ZC3H6: variants seen among roughly 807,000 people sequenced by gnomAD.
ZC3H6 encodes zinc finger CCCH domain-containing protein 6.
A neutral mutation model predicts 107.7 loss-of-function variants in ZC3H6; 40 were observed. That is an observed-to-expected ratio of 0.37 (90% CI 0.29 to 0.48). The LOEUF is 0.48. Ranked by LOEUF, ZC3H6 falls within the 20% of genes least tolerant of loss-of-function variation. The pLI is 0.98. For synonymous variants in ZC3H6, 493 were observed against 487.9 expected (o/e 1.01, Z -0.14); for missense variants, 1,267 against 1,410.4 (o/e 0.90, Z 1.63).
At chr2:112,278,826 G>C (rs1211221413) in intron 1 of ZC3H6, among the ~76,000 whole-genome samples, 1 of 152,112 alleles carries the variant, frequency 6.6e-6, no homozygotes, top group East Asian at 1.9e-4. Context: ...CTCGCTATAT[G>C]CCTAGGCTGG....
At chr2:112,276,050 T>C in intron 1 of ZC3H6, 24 bp downstream of exon 1, 2 of 1,538,436 alleles carry the variant, frequency 1.3e-6, no homozygotes, top group African/African-American at 1.4e-5. Flanking sequence ...CTTGTCTGTC[T>C]TTCTGTCGGA....
At chr2:112,300,107 C>T in intron 2 of ZC3H6, 78 bp downstream of exon 2, 2 of 984,164 alleles carry the variant, frequency 2.0e-6, no homozygotes, top group Non-Finnish European at 2.7e-6. Flanking sequence ...AAGTAGAAGT[C>T]ATTATTTTAT....
intron 1 of ZC3H6, among the ~76,000 whole-genome samples, chr2:112,284,826 A>G (rs1686578767): frequency 6.6e-6 from 1 of 152,196 alleles, no homozygotes; most frequent in Non-Finnish European, 1.5e-5. Context: ...TAGAGTTAAC[A>G]TTCTGCTTTT....
chr2:112,289,311 T>G (rs943720136), intron 1 of ZC3H6, among the ~76,000 whole-genome samples: 1 of 140,890 alleles, frequency 7.1e-6, no homozygotes, highest in African/African-American at 2.6e-5. Flanking sequence ...GAACACTTTT[T>G]TTTTCTTTTT....
Position 112,335,470 on chromosome 2 carries a change from G to A in ZC3H6, c.*2982G>A, listed in dbSNP as rs1003448564. 1 of 151,918 alleles carries A rather than the reference G, an allele frequency of 6.6e-6. No homozygotes were observed. Among genetic ancestry groups the A allele is most frequent in the Non-Finnish European group, 1.5e-5 (1 of 67,994 alleles). 9.4% of individuals were successfully genotyped at this position (151,918 alleles called of 1,614,324 possible). A position where few individuals can be genotyped will look rare whatever the true frequency, so the allele number is the denominator to read the frequency against. ...CTTACAAGGGCTGGAAGTTTAAAGAGAATAAATTCATATTTTTTGTTCTGA... is the reference window on the plus strand; with the variant it reads ...CTTACAAGGGCTGGAAGTTTAAAGAAAATAAATTCATATTTTTTGTTCTGA... On this transcript the variant is annotated 3_prime_UTR_variant, in exon 12 of 12. Transcript: ENST00000409871.
At chr2:112,313,258 G>GGAATTACTATGGTTATTATTTTA (rs1558953343) in intron 5 of ZC3H6, among the ~76,000 whole-genome samples, 1 of 152,044 alleles carries the variant, frequency 6.6e-6, no homozygotes, top group Non-Finnish European at 1.5e-5. Context: ...CAGCAGCTTT[G>GGAATTACTATGGTTATTATTTTA]GAATTACTAT....
intron 4 of ZC3H6, among the ~76,000 whole-genome samples, chr2:112,311,112 CT>C (rs1343810794): frequency 1.3e-5 from 2 of 152,122 alleles, no homozygotes; most frequent in Non-Finnish European, 2.9e-5. Context: ...TCTTTTCAAG[CT>C]CCTACTTGTT....
At position 112,326,012 on chromosome 2, in the gene ZC3H6, C is replaced by T. The variant is rs975729600; in HGVS notation, c.2086+815C>T. Reference sequence around the variant, plus strand: ...TGAAAAACTATGTAAAACTATGTAACGCTAGGTAGCTGCAAGCTATTATAT... The same window carrying T: ...TGAAAAACTATGTAAAACTATGTAATGCTAGGTAGCTGCAAGCTATTATAT... On this transcript the variant is annotated intron_variant, in intron 11 of 11. Coordinates refer to ENST00000409871, the MANE Select transcript of ZC3H6 (RefSeq NM_198581.3). Among the ~76,000 whole-genome samples the T allele has an allele frequency of 1.3e-4, 19 of 151,948 alleles. No individual in the cohort carries two copies. In the East Asian group the frequency reaches 1.5e-3, roughly 12 times the overall value.
chr2:112,311,166 C>T (rs1320857785), intron 4 of ZC3H6, among the ~76,000 whole-genome samples: 3 of 152,128 alleles, frequency 2.0e-5, no homozygotes, highest in African/African-American at 7.2e-5. Flanking sequence ...CAAAGGCTTA[C>T]ACCTTAAGTC....
chr2:112,288,290 C>G (rs960693905), intron 1 of ZC3H6, among the ~76,000 whole-genome samples: 4 of 152,072 alleles, frequency 2.6e-5, no homozygotes, highest in African/African-American at 9.7e-5. Flanking sequence ...CTTAGAATCC[C>G]TTCTCCTTGG....
rs192489425 is a variant in ZC3H6, at chr2:112,320,089, C to T, written c.977-1667C>T. On this transcript the variant is annotated intron_variant, in intron 7 of 11. Coordinates refer to ENST00000409871, the MANE Select transcript of ZC3H6 (RefSeq NM_198581.3). ...CTGGGATTACAGGCATGCACCACCA[C>T]GCCTGGCTAATTTTTGTATTTTTAG... Among the ~76,000 whole-genome samples the T allele has an allele frequency of 2.5e-3, 381 of 152,170 alleles. 2 individuals carry two copies. The highest frequency in any genetic ancestry group is 6.3e-3 in the African/African-American group (263 of 41,532).
chr2:112,313,034 TA>T (rs1352503161), intron 5 of ZC3H6, among the ~76,000 whole-genome samples: 1 of 152,050 alleles, frequency 6.6e-6, no homozygotes, highest in Non-Finnish European at 1.5e-5. Context: ...AGGTGTGACC[TA>T]AAAAAAGAAG....
At chr2:112,300,743 G>C (rs1281293027) in intron 2 of ZC3H6, among the ~76,000 whole-genome samples, 1 of 152,102 alleles carries the variant, frequency 6.6e-6, no homozygotes, top group African/African-American at 2.4e-5. Flanking sequence ...GGCTCTTAAA[G>C]AGTTTACATT....
intron 3 of ZC3H6, 91 bp from the exon 4 acceptor site, chr2:112,309,794 A>G (rs1676560186): frequency 3.8e-6 from 5 of 1,326,432 alleles, no homozygotes; most frequent in Non-Finnish European, 5.1e-6. Flanking sequence ...CCTTTCTCCA[A>G]ACTTGCTGGG....
Position 112,336,944 on chromosome 2 carries a change from T to C in ZC3H6, c.*4456T>C, listed in dbSNP as rs1677144762. 1.3e-5 allele frequency: 2 copies of C among 152,316 alleles called. No individual in the cohort carries two copies. The highest frequency in any genetic ancestry group is 4.1e-4 in the South Asian group (2 of 4,824). 9.4% of individuals were successfully genotyped at this position (152,316 alleles called of 1,614,324 possible). On this transcript the variant is annotated 3_prime_UTR_variant, in exon 12 of 12. Coordinates refer to ENST00000409871, the MANE Select transcript of ZC3H6 (RefSeq NM_198581.3). ...GGCCTACAGTGGGTGCTTTGTTAAC[T>C]GCTTGTTGATGGCTTCCTGACATCC...
chr2:112,291,324 C>T (rs1213971069), intron 1 of ZC3H6, among the ~76,000 whole-genome samples: 2 of 152,198 alleles, frequency 1.3e-5, no homozygotes, highest in African/African-American at 2.4e-5. Flanking sequence ...ATGTCTGTCT[C>T]CTGGGCTCAA....
chr2:112,320,321 A>T (rs929495877), intron 7 of ZC3H6, among the ~76,000 whole-genome samples: 4 of 152,220 alleles, frequency 2.6e-5, no homozygotes, highest in Non-Finnish European at 5.9e-5. Context: ...TATGGACTGT[A>T]TTTTAATACA....
chr2:112,287,484 T>C lies in ZC3H6; in HGVS notation c.32+11458T>C, dbSNP rs1029263554. Among the ~76,000 whole-genome samples the C allele has an allele frequency of 3.9e-5, 6 of 152,228 alleles. No homozygotes were observed. The East Asian group carries it at 1.2e-3, about 29-fold the overall frequency. On this transcript the variant is annotated intron_variant, in intron 1 of 11. Coordinates refer to ENST00000409871, the MANE Select transcript of ZC3H6 (RefSeq NM_198581.3). ...TGTCAAACATACAAGCTTATGGATA[T>C]ATTTAAAAATTCTTAATTTTCTAGA...
intron 6 of ZC3H6, 65 bp from the exon 7 acceptor site, chr2:112,317,156 G>GT: frequency 2.3e-6 from 2 of 877,874 alleles, no homozygotes; most frequent in Non-Finnish European, 3.3e-6. Flanking sequence ...TTCAGCTGTT[G>GT]TTTCTTTGTT....
Sources: gnomAD v4.1 joint callset for allele counts (sites outside exome capture counted in the v4.1 genomes callset) on GRCh38, gnomAD v4.1.1 for gene constraint, MANE v1.5 for transcripts, NCBI Gene and HGNC (gene_info 2026-07-23, HGNC 2026-07-21) for gene names.